Variants in BBS9 observed in about 807,000 individuals in gnomAD.
BBS9 encodes the protein Bardet-Biedl syndrome 9.
A neutral mutation model predicts 117.7 loss-of-function variants in BBS9; 89 were observed. The ratio of observed to expected loss-of-function variants is 0.76; its 90% CI spans 0.64 to 0.90. The LOEUF (loss-of-function observed/expected upper bound fraction) is 0.90. Ranked by LOEUF, BBS9 falls within the 40% of genes least tolerant of loss-of-function variation. BBS9 has a pLI of 0.00. For missense variants in BBS9, 982 were observed against 1,042.2 expected, an observed-to-expected ratio of 0.94 and a Z score of 0.80; for synonymous variants, 379 against 370.9, an observed-to-expected ratio of 1.02 and a Z score of -0.25.
At chr7:33,286,253 G>A (rs965792633) in intron 9 of BBS9, among the ~76,000 whole-genome samples, 24 of 152,110 alleles carry the variant, frequency 1.6e-4, no homozygotes, top group East Asian at 5.8e-4. Context: ...AATTTATACC[G>A]GTAGGAAAAA....
chr7:33,565,810 T>TGCC lies in BBS9; in HGVS notation c.2521+31634_2521+31635insGCC, dbSNP rs1476552962. Reference sequence around the variant, plus strand: ...ATATATATATATATATATATATATATATATATATATATATATACCGCTATA... The same window carrying TGCC: ...ATATATATATATATATATATATATATGCCATATATATATATATATACCGCTATA... On this transcript the variant is annotated intron_variant, in intron 21 of 22. Transcript: ENST00000242067. 4.1e-4 allele frequency among the ~76,000 whole-genome samples: 18 copies of TGCC among 44,148 alleles called. No individual in the cohort carries two copies. The African/African-American group carries it at 4.6e-3, about 11-fold the overall frequency. 29.0% of individuals were successfully genotyped at this position (44,148 alleles called of 152,430 possible). A position where few individuals can be genotyped will look rare whatever the true frequency, so the allele number is the denominator to read the frequency against.
chr7:33,587,875 G>A (rs1861199009), intron 21 of BBS9, among the ~76,000 whole-genome samples: 1 of 151,980 alleles, frequency 6.6e-6, no homozygotes, highest in Non-Finnish European at 1.5e-5. Flanking sequence ...ATCTTTCATT[G>A]GGCTTGCTTT....
At chr7:33,631,258 C>T (rs1186519847) in intron 21 of BBS9, among the ~76,000 whole-genome samples, 2 of 152,162 alleles carry the variant, frequency 1.3e-5, no homozygotes, top group Admixed American at 1.3e-4. Context: ...CCCATGCCGG[C>T]CCTGCAGGCG....
intron 5 of BBS9, among the ~76,000 whole-genome samples, chr7:33,180,776 T>A (rs1026014211): frequency 3.9e-5 from 6 of 152,112 alleles, no homozygotes; most frequent in Non-Finnish European, 5.9e-5. Flanking sequence ...CAGTTGCCTC[T>A]TGTAGGGAGA....
At chr7:33,316,412 TGAG>T (rs144869750) in intron 9 of BBS9, among the ~76,000 whole-genome samples, 18,673 of 152,150 alleles carry the variant, frequency 0.12, 1,393 homozygotes, top group African/African-American at 0.21. Context: ...GGCTAAATGA[TGAG>T]GAGAAGATTT....
chr7:33,390,655 G>C, intron 19 of BBS9: 1 of 939,478 alleles, frequency 1.1e-6, no homozygotes, highest in Non-Finnish European at 1.3e-6. Context: ...ATTCCGTTTA[G>C]TCAGTTTTTT....
At chr7:33,429,616 T>C (rs1198366998) in intron 19 of BBS9, among the ~76,000 whole-genome samples, 1 of 152,136 alleles carries the variant, frequency 6.6e-6, no homozygotes, top group East Asian at 1.9e-4. Context: ...AGTTTCTGCA[T>C]TATAAAATGG....
At chr7:33,217,404 G>C (rs536546841) in intron 5 of BBS9, among the ~76,000 whole-genome samples, 1 of 152,114 alleles carries the variant, frequency 6.6e-6, no homozygotes, top group African/African-American at 2.4e-5. Flanking sequence ...TTGACATTCA[G>C]CATTTCTGCT....
chr7:33,256,947 TC>T (rs1408534304), intron 5 of BBS9, among the ~76,000 whole-genome samples: 30 of 152,116 alleles, frequency 2.0e-4, no homozygotes, highest in African/African-American at 7.2e-4. Flanking sequence ...ATAAACTGTA[TC>T]ATAGAAATCA....
At chr7:33,565,790 T>TAC (rs1449618384) in intron 21 of BBS9, among the ~76,000 whole-genome samples, 1 of 30,488 alleles carries the variant, frequency 3.3e-5, no homozygotes, top group African/African-American at 4.7e-4. Context: ...AGTATATATA[T>TAC]ATATATATAT....
At chr7:33,435,267 T>A (rs1317716405) in intron 19 of BBS9, among the ~76,000 whole-genome samples, 1 of 152,196 alleles carries the variant, frequency 6.6e-6, no homozygotes, top group Non-Finnish European at 1.5e-5. Flanking sequence ...TCATCAAAAA[T>A]TCTATGTATA....
chr7:33,177,821 G>T, intron 5 of BBS9: 1 of 486,608 alleles, frequency 2.1e-6, no homozygotes, highest in Non-Finnish European at 3.7e-6. Flanking sequence ...TTAGTACTTG[G>T]ATAGGAGACC....
At chr7:33,502,061 C>T (rs1218435747) in intron 19 of BBS9, among the ~76,000 whole-genome samples, 2 of 152,182 alleles carry the variant, frequency 1.3e-5, no homozygotes, top group Non-Finnish European at 2.9e-5. Context: ...AGGCACGTGC[C>T]ACCATGCCCA....
Position 33,356,432 on chromosome 7 carries a change from G to A in BBS9, c.1553-1423G>A, listed in dbSNP as rs1011770026. Among the ~76,000 whole-genome samples the A allele has an allele frequency of 2.6e-5, 4 of 151,874 alleles. No homozygotes were observed. The East Asian group carries it at 5.8e-4, about 22-fold the overall frequency. On this transcript the variant is annotated intron_variant, in intron 15 of 22. Transcript: ENST00000242067. The stretch of plus-strand genomic sequence containing the variant: ...CTCTAAAAACCTCACAGAATGTCAT[G>A]AAATAATACCCTGGGACTTTTCTTA...
At chr7:33,149,883 C>T (rs1377091056) in intron 2 of BBS9, among the ~76,000 whole-genome samples, 2 of 152,174 alleles carry the variant, frequency 1.3e-5, no homozygotes, top group Non-Finnish European at 2.9e-5. Context: ...CCTCTTATCC[C>T]TGAAGATAGG....
chr7:33,347,922 GTTTAT>G (rs963901367), intron 12 of BBS9, among the ~76,000 whole-genome samples: 1 of 151,868 alleles, frequency 6.6e-6, no homozygotes, highest in Non-Finnish European at 1.5e-5. Flanking sequence ...TAGAATGGTG[GTTTAT>G]TTTATTTAAT....
chr7:33,184,309 G>A (rs1375685054), intron 5 of BBS9, among the ~76,000 whole-genome samples: 1 of 152,136 alleles, frequency 6.6e-6, no homozygotes, highest in African/African-American at 2.4e-5. Context: ...TCCCCTTTTG[G>A]GGAGAAAAGA....
intron 20 of BBS9, among the ~76,000 whole-genome samples, chr7:33,523,306 G>A (rs1225611660): frequency 1.4e-5 from 2 of 139,768 alleles, no homozygotes; most frequent in Non-Finnish European, 3.1e-5. Flanking sequence ...TAGCTTGATG[G>A]GGATGGCATT....
At chr7:33,618,908 G>GA (rs1051048837) in intron 21 of BBS9, among the ~76,000 whole-genome samples, 3 of 152,054 alleles carry the variant, frequency 2.0e-5, no homozygotes, top group South Asian at 2.1e-4. Flanking sequence ...TTACCACTAT[G>GA]AAAAAAATTA....
Sources: gnomAD v4.1 joint callset for allele counts (sites outside exome capture counted in the v4.1 genomes callset) on GRCh38, gnomAD v4.1.1 for gene constraint, MANE v1.5 for transcripts, NCBI Gene and HGNC (gene_info 2026-07-23, HGNC 2026-07-21) for gene names.